The following SLCO3A1 variants were observed in gnomAD, a reference collection of about 807,000 sequenced individuals.
SLCO3A1 encodes the protein solute carrier organic anion transporter family member 3A1.
In SLCO3A1, 27 loss-of-function variants were observed where a neutral mutation model predicts 63.1. That is an observed-to-expected ratio of 0.43 (90% CI 0.32 to 0.59). The LOEUF is 0.59. Ranked by LOEUF, SLCO3A1 falls within the 20% of genes least tolerant of loss-of-function variation. SLCO3A1 has a pLI of 0.09. For synonymous variants in SLCO3A1, 473 were observed against 409.9 expected (o/e 1.15, Z -1.86); for missense variants, 773 against 945.8 (o/e 0.82, Z 2.40).
chr15:92,164,419 G>T lies in SLCO3A1; in HGVS notation c.*1284G>T. The T allele has an allele frequency of 3.2e-5, 32 of 985,440 alleles. No homozygotes were observed. Among genetic ancestry groups the T allele is most frequent in the Non-Finnish European group, 3.7e-5 (31 of 829,934 alleles). The allele number at this position is 985,440 out of a possible 1,614,324, so 61.0% of individuals were successfully genotyped here. ...TGATGAATTGCAAATTTGCCTTTTA[G>T]CTTCCTTCCCCATGATTCAGTGATC... On this transcript the variant is annotated 3_prime_UTR_variant, in exon 10 of 10. Transcript: ENST00000318445.
chr15:91,916,579 T>C lies in SLCO3A1; in HGVS notation c.646+121T>C. 1 of 729,608 alleles carries C rather than the reference T, an allele frequency of 1.4e-6. No individual in the cohort carries two copies. Among genetic ancestry groups the C allele is most frequent in the Non-Finnish European group, 2.2e-6 (1 of 456,290 alleles). 45.2% of individuals were successfully genotyped at this position (729,608 alleles called of 1,614,324 possible). On this transcript the variant is annotated intron_variant, in intron 2 of 9. Transcript: ENST00000318445. The surrounding 1 kb of genome is among the most constrained non-coding windows in gnomAD (Gnocchi z 6.2). Reference sequence around the variant, plus strand: ...TTCTCAGACTTGGCTGCACACCTAGTGTTCTTGAAAAATACTCATGCCTGG... The same window carrying C: ...TTCTCAGACTTGGCTGCACACCTAGCGTTCTTGAAAAATACTCATGCCTGG...
intron 2 of SLCO3A1, among the ~76,000 whole-genome samples, chr15:91,964,799 C>A (rs1900596579): frequency 1.3e-5 from 2 of 151,748 alleles, no homozygotes; most frequent in Admixed American, 6.6e-5. Flanking sequence ...TCCTTGGATA[C>A]CTCCCTTTTG....
chr15:91,959,876 T>C (rs1900377965), intron 2 of SLCO3A1, among the ~76,000 whole-genome samples: 2 of 152,222 alleles, frequency 1.3e-5, no homozygotes, highest in Non-Finnish European at 2.9e-5. Context: ...GCAATCACTT[T>C]CATTATGCCC....
At position 92,120,729 on chromosome 15, in the gene SLCO3A1, T is replaced by C; in HGVS notation, c.1174+100T>C. ...GCCCTGCTGAAGAACCCCACTCTGCTCTGGGCCTACAGCAACAAGATATAT... is the reference window on the plus strand; with the variant it reads ...GCCCTGCTGAAGAACCCCACTCTGCCCTGGGCCTACAGCAACAAGATATAT... On this transcript the variant is annotated intron_variant, in intron 5 of 9. Coordinates refer to ENST00000318445, the MANE Select transcript of SLCO3A1 (RefSeq NM_013272.4). 3.1e-6 allele frequency: 3 copies of C among 973,282 alleles called. No homozygotes were observed. In the South Asian group the frequency reaches 4.5e-5, roughly 15 times the overall value. 60.3% of individuals were successfully genotyped at this position (973,282 alleles called of 1,614,324 possible). A position where few individuals can be genotyped will look rare whatever the true frequency, so the allele number is the denominator to read the frequency against.
Position 91,885,556 on chromosome 15 carries a change from T to C in SLCO3A1, c.181-30437T>C, listed in dbSNP as rs75517863. 0.079 allele frequency among the ~76,000 whole-genome samples: 12,033 copies of C among 152,316 alleles called. 538 individuals carry two copies. Among genetic ancestry groups the C allele is most frequent in the Non-Finnish European group, 0.1 (6,786 of 68,014 alleles). Reference sequence around the variant, plus strand: ...GCGGGGCCCAAGATCCTCACAGTCTTTTAGGGATGCTTAGAATTGGCCCTT... The same window carrying C: ...GCGGGGCCCAAGATCCTCACAGTCTCTTAGGGATGCTTAGAATTGGCCCTT... On this transcript the variant is annotated intron_variant, in intron 1 of 9. Coordinates refer to ENST00000318445, the MANE Select transcript of SLCO3A1 (RefSeq NM_013272.4). The surrounding 1 kb of genome is among the most constrained non-coding windows in gnomAD (Gnocchi z 4.7).
intron 2 of SLCO3A1, among the ~76,000 whole-genome samples, chr15:91,956,985 A>ATACTATATATTATATATTAT (rs1297821954): frequency 6.0e-5 from 1 of 16,568 alleles, no homozygotes; most frequent in Non-Finnish European, 8.1e-5. Context: ...TAGTATATAT[A>ATACTATATATTATATATTAT]ATATATAGTA....
At chr15:92,034,273 G>A (rs1336602530) in intron 2 of SLCO3A1, among the ~76,000 whole-genome samples, 4 of 151,424 alleles carry the variant, frequency 2.6e-5, no homozygotes, top group African/African-American at 7.3e-5. Flanking sequence ...AGGGGAAGAG[G>A]CCAGAAGTCC....
At position 92,128,506 on chromosome 15, in the gene SLCO3A1, G is replaced by A. The variant is rs550274309; in HGVS notation, c.1512+17G>A. 1 of 1,563,704 alleles carries A rather than the reference G, an allele frequency of 6.4e-7. No homozygotes were observed. The highest frequency in any genetic ancestry group is 8.6e-7 in the Non-Finnish European group (1 of 1,162,310). Reference sequence around the variant, plus strand: ...AACAGCACGGTAATGGGATGGGGCAGGGGATGGGGCAGGGGATTCAGGCAG... The same window carrying A: ...AACAGCACGGTAATGGGATGGGGCAAGGGATGGGGCAGGGGATTCAGGCAG... On this transcript the variant is annotated intron_variant, in intron 7 of 9. Coordinates refer to ENST00000318445, the MANE Select transcript of SLCO3A1 (RefSeq NM_013272.4).
chr15:92,137,039 T>C (rs2048067499), intron 7 of SLCO3A1, among the ~76,000 whole-genome samples: 1 of 149,782 alleles, frequency 6.7e-6, no homozygotes, highest in Admixed American at 6.7e-5. Context: ...TAGTTACATA[T>C]GTATACATGT....
In SLCO3A1 at chr15:92,033,361, A is replaced by G. The variant is rs1197877497; in HGVS notation, c.647-61520A>G. On this transcript the variant is annotated intron_variant, in intron 2 of 9. Coordinates refer to ENST00000318445, the MANE Select transcript of SLCO3A1 (RefSeq NM_013272.4). This position sits in a 1 kb window ranked among gnomAD's most constrained non-coding sequence, Gnocchi z 4.5. Reference sequence around the variant, plus strand: ...TGCAACCCTCCTCTCCTCCAAGAGCAGGGTAACTTCCTCCTCTTGCATTCT... The same window carrying G: ...TGCAACCCTCCTCTCCTCCAAGAGCGGGGTAACTTCCTCCTCTTGCATTCT... Among the ~76,000 whole-genome samples, 1 of 152,218 alleles carries G rather than the reference A, an allele frequency of 6.6e-6. No individual in the cohort carries two copies. Among genetic ancestry groups the G allele is most frequent in the Non-Finnish European group, 1.5e-5 (1 of 68,038 alleles).
chr15:92,020,291 T>G (rs1162970318), intron 2 of SLCO3A1, among the ~76,000 whole-genome samples: 2 of 152,152 alleles, frequency 1.3e-5, no homozygotes, highest in African/African-American at 4.8e-5. Flanking sequence ...CATCCATCCA[T>G]CTATATTTTC....
chr15:91,995,796 T>A (rs1185258358), intron 2 of SLCO3A1, among the ~76,000 whole-genome samples: 1 of 134,630 alleles, frequency 7.4e-6, no homozygotes, highest in Non-Finnish European at 1.6e-5. Flanking sequence ...AAAAAGTTCA[T>A]AAAGTATAAT....
At chr15:92,090,431 G>T (rs909292916) in intron 2 of SLCO3A1, among the ~76,000 whole-genome samples, 1 of 152,208 alleles carries the variant, frequency 6.6e-6, no homozygotes, top group African/African-American at 2.4e-5. Context: ...TGTACAGAAT[G>T]CCAGAGCCAG....
rs953782554 is a variant in SLCO3A1 at position 91,897,194 on chromosome 15, C to T, written c.181-18799C>T. 1.3e-5 allele frequency among the ~76,000 whole-genome samples: 2 copies of T among 152,144 alleles called. No individual in the cohort carries two copies. Among genetic ancestry groups the T allele is most frequent in the African/African-American group, 4.8e-5 (2 of 41,408 alleles). ...GACAGGCTGGATGCGGTGGTGCACG[C>T]CTGTAATCCCAGTACTTTGAGAGGC... On this transcript the variant is annotated intron_variant, in intron 1 of 9. Coordinates refer to ENST00000318445, the MANE Select transcript of SLCO3A1 (RefSeq NM_013272.4). The surrounding 1 kb of genome is among the most constrained non-coding windows in gnomAD (Gnocchi z 4.7).
At chr15:92,022,566 A>G (rs552571824) in intron 2 of SLCO3A1, among the ~76,000 whole-genome samples, 59 of 152,372 alleles carry the variant, frequency 3.9e-4, no homozygotes, top group South Asian at 1.9e-3. Context: ...GAAGACAGAA[A>G]GCTAAATAAA....
At chr15:92,035,191 C>CA in intron 2 of SLCO3A1, among the ~76,000 whole-genome samples, 1 of 151,814 alleles carries the variant, frequency 6.6e-6, no homozygotes, top group Admixed American at 6.6e-5. Flanking sequence ...CAGGTGGCCT[C>CA]ATGAGTTCTC....
chr15:92,120,255 A>G (rs565796856), intron 4 of SLCO3A1, among the ~76,000 whole-genome samples: 63 of 152,314 alleles, frequency 4.1e-4, no homozygotes, highest in Middle Eastern at 3.4e-3. Flanking sequence ...AATTGGCAAC[A>G]TGTCAGTGTA....
Position 91,865,610 on chromosome 15 carries a change from A to G in SLCO3A1, c.180+11522A>G, listed in dbSNP as rs565439194. The stretch of plus-strand genomic sequence containing the variant: ...TCTTCATGGCATGTGGGGGTGGCCA[A>G]GGGTCCTTGGATTCCTTGGCTCGCA... On this transcript the variant is annotated intron_variant, in intron 1 of 9. Transcript: ENST00000318445. The surrounding 1 kb of genome is among the most constrained non-coding windows in gnomAD (Gnocchi z 4.6). 6.6e-6 allele frequency among the ~76,000 whole-genome samples: 1 copy of G among 152,268 alleles called. No individual in the cohort carries two copies. The highest frequency in any genetic ancestry group is 1.5e-5 in the Non-Finnish European group (1 of 68,016).
chr15:91,883,478 A>G lies in SLCO3A1; in HGVS notation c.180+29390A>G, dbSNP rs973749205. Among the ~76,000 whole-genome samples, 4 of 152,198 alleles carry G rather than the reference A, an allele frequency of 2.6e-5. No individual in the cohort carries two copies. The highest frequency in any genetic ancestry group is 9.7e-5 in the African/African-American group (4 of 41,434). ...GGCTCCCCGGAGGGATGTACCTCGC[A>G]CTGACTGGCTGGGGCCCTTCATCCT... On this transcript the variant is annotated intron_variant, in intron 1 of 9. Transcript: ENST00000318445. This position sits in a 1 kb window ranked among gnomAD's most constrained non-coding sequence, Gnocchi z 4.8.
Sources: gnomAD v4.1 joint callset for allele counts (sites outside exome capture counted in the v4.1 genomes callset) on GRCh38, gnomAD v4.1.1 for gene constraint, Gnocchi (gnomAD v3.1) non-coding constraint, MANE v1.5 for transcripts, NCBI Gene and HGNC (gene_info 2026-07-23, HGNC 2026-07-21) for gene names.